The following CABP1 variants were observed in gnomAD, a reference collection of about 807,000 sequenced individuals.
CABP1 encodes calcium-binding protein 1.
Under a neutral mutation model 34.3 loss-of-function variants are expected in CABP1, and 17 were observed. The observed-to-expected ratio is 0.50, with a 90% confidence interval of 0.34 to 0.74. CABP1 has a LOEUF of 0.74. Ranked by LOEUF, CABP1 falls within the 30% of genes least tolerant of loss-of-function variation. CABP1 has a pLI of 0.01. For missense variants in CABP1, 373 were observed against 511.1 expected (o/e 0.73, Z 2.61); for synonymous variants, 198 against 229.2 (o/e 0.86, Z 1.23).
Position 120,661,867 on chromosome 12 carries a change from T to C in CABP1, c.1087+649T>C, listed in dbSNP as rs1006737626. 1 of 153,004 alleles carries C rather than the reference T, an allele frequency of 6.5e-6. No homozygotes were observed. Among genetic ancestry groups the C allele is most frequent in the Non-Finnish European group, 1.5e-5 (1 of 68,576 alleles). 9.5% of individuals were successfully genotyped at this position (153,004 alleles called of 1,614,324 possible). On this transcript the variant is annotated intron_variant, in intron 5 of 5. Coordinates refer to ENST00000316803, the MANE Select transcript of CABP1 (RefSeq NM_001033677.2). The surrounding 1 kb of genome is among the most constrained non-coding windows in gnomAD (Gnocchi z 5.1). ...ATTCCTATAGCAATTTATCCATGCATTTATCTGTCCATTCGTGCATCTATT... is the reference window on the plus strand; with the variant it reads ...ATTCCTATAGCAATTTATCCATGCACTTATCTGTCCATTCGTGCATCTATT...
chr12:120,657,951 TACTC>T (rs776309701), intron 1 of CABP1, among the ~76,000 whole-genome samples: 142 of 152,312 alleles, frequency 9.3e-4, no homozygotes, highest in Middle Eastern at 6.8e-3. Context: ...CACGTGTGCT[TACTC>T]ACTCGCTTTC....
rs1880593953 is a variant in CABP1, at chr12:120,661,045, C to T, written c.940-26C>T. 1 of 1,605,912 alleles carries T rather than the reference C, an allele frequency of 6.2e-7. No individual in the cohort carries two copies. Among genetic ancestry groups the T allele is most frequent in the East Asian group, 2.2e-5 (1 of 44,796 alleles). The stretch of plus-strand genomic sequence containing the variant: ...CTGCCAATCGCCATGCTGGGGCGAC[C>T]TCTCCTTCCTTCCTGCCTTCTCTAG... On this transcript the variant is annotated intron_variant, in intron 4 of 5. Coordinates refer to ENST00000316803, the MANE Select transcript of CABP1 (RefSeq NM_001033677.2). This position sits in a 1 kb window ranked among gnomAD's most constrained non-coding sequence, Gnocchi z 5.1.
Position 120,650,609 on chromosome 12 carries a change from G to A in CABP1, c.655-9269G>A, listed in dbSNP as rs372807121. On this transcript the variant is annotated intron_variant, in intron 1 of 5. Transcript: ENST00000316803. ...CAGGAGCCTCCTTCATGGACCCGGG[G>A]ATCCCAAGAGGGGCTGCCTCAACTT... The A allele has an allele frequency of 1.9e-5, 30 of 1,613,650 alleles. No individual in the cohort carries two copies. The African/African-American group carries it at 2.9e-4, about 16-fold the overall frequency.
downstream of CABP1, among the ~76,000 whole-genome samples, chr12:120,668,182 T>C (rs1246382059): frequency 6.7e-6 from 1 of 148,202 alleles, no homozygotes; most frequent in Non-Finnish European, 1.5e-5. Context: ...TCCCAGTGTG[T>C]GCGGACAGAC....
intron 1 of CABP1, among the ~76,000 whole-genome samples, chr12:120,643,600 A>AT (rs1879434335): frequency 6.6e-6 from 1 of 152,210 alleles, no homozygotes; most frequent in Admixed American, 6.5e-5. Context: ...TTTTTTAAAA[A>AT]ATATATTTTA....
At chr12:120,674,441 G>A in the CABP1 span, among the ~76,000 whole-genome samples, 1 of 152,250 alleles carries the variant, frequency 6.6e-6, no homozygotes, top group East Asian at 1.9e-4. Flanking sequence ...TGATCCTGCT[G>A]TGCCTGTAGC....
the CABP1 span, among the ~76,000 whole-genome samples, chr12:120,678,768 C>T: frequency 8.5e-5 from 13 of 152,224 alleles, 1 homozygote; most frequent in South Asian, 1.2e-3. Context: ...TCCCACAATG[C>T]TAATTTTAAA....
intron 1 of CABP1, among the ~76,000 whole-genome samples, chr12:120,648,209 C>G (rs750864006): frequency 2.6e-5 from 4 of 152,154 alleles, no homozygotes; most frequent in Non-Finnish European, 4.4e-5. Flanking sequence ...CTTTCCTGAT[C>G]CCCTAGACTC....
rs867128120 is a variant in CABP1 at position 120,640,838 on chromosome 12, G to A, written c.153G>A (p.Ala51=). 124 of 1,073,994 alleles carry A rather than the reference G, an allele frequency of 1.2e-4. No homozygotes were observed. The African/African-American group carries it at 1.4e-3, about 12-fold the overall frequency. The allele number at this position is 1,073,994 out of a possible 1,614,324, so 66.5% of individuals were successfully genotyped here. A position where few individuals can be genotyped will look rare whatever the true frequency, so the allele number is the denominator to read the frequency against. Residue 51 remains alanine (A), a synonymous_variant, in exon 1 of 6, where the codon GCG becomes GCA. Transcript: ENST00000316803. The surrounding 1 kb of genome is among the most constrained non-coding windows in gnomAD (Gnocchi z 6.2). ...CCGCGCCGCCCCCGCCGGGCCATGC[G>A]AGCGCGGGCCCCGCCGCGATGAGCT... is the stretch of plus-strand genomic sequence containing the variant. ...RRTAPPPPGH[A]SAGPAAMSSH... is the part of the protein sequence containing the mutation.
chr12:120,680,529 T>C, the CABP1 span, among the ~76,000 whole-genome samples: 1 of 152,126 alleles, frequency 6.6e-6, no homozygotes, highest in Non-Finnish European at 1.5e-5. Flanking sequence ...GTTTCTGGGC[T>C]CTCAGATGGG....
At chr12:120,656,329 GT>G in intron 1 of CABP1, 1 of 1,451,640 alleles carries the variant, frequency 6.9e-7, no homozygotes, top group Non-Finnish European at 9.1e-7. Context: ...GCGTGAGGAG[GT>G]GCTGGGATGA....
At chr12:120,676,520 C>T in the CABP1 span, among the ~76,000 whole-genome samples, 360 of 152,172 alleles carry the variant, frequency 2.4e-3, 5 homozygotes, top group African/African-American at 8.1e-3. Flanking sequence ...CTCCGCCTCC[C>T]GGGTTGAAGC....
At chr12:120,651,022 G>A (rs1879813069) in intron 1 of CABP1, among the ~76,000 whole-genome samples, 1 of 152,078 alleles carries the variant, frequency 6.6e-6, no homozygotes, top group Admixed American at 6.6e-5. Context: ...CAAGGGACTG[G>A]CCAAGTCCCT....
Position 120,641,143 on chromosome 12 carries a change from C to A in CABP1, c.458C>A (p.Ala153Glu). The change falls in exon 1 of 6, where the codon GCG becomes GAG. Residue 153 changes from alanine (A) to glutamate (E), a missense_variant. Ala to Glu is a moderately radical substitution (Grantham distance 107, BLOSUM62 -1). Transcript: ENST00000316803. The surrounding 1 kb of genome is among the most constrained non-coding windows in gnomAD (Gnocchi z 6.7). ...CCCCGGGAGGCGCTGCCGGCCGCGG[C>A]GTCCCGACCTTCGCCGTCGTCGCCG... The part of the protein sequence containing the change: ...CRPREALPAA[A>E]SRPSPSSPLP... 8.1e-7 allele frequency: 1 copy of A among 1,233,166 alleles called. No individual in the cohort carries two copies. Among genetic ancestry groups the A allele is most frequent in the Non-Finnish European group, 1.0e-6 (1 of 990,304 alleles). 76.4% of individuals were successfully genotyped at this position (1,233,166 alleles called of 1,614,324 possible). A position where few individuals can be genotyped will look rare whatever the true frequency, so the allele number is the denominator to read the frequency against.
At chr12:120,679,074 A>AG in the CABP1 span, among the ~76,000 whole-genome samples, 4 of 31,238 alleles carry the variant, frequency 1.3e-4, no homozygotes, top group African/African-American at 7.6e-4. Context: ...CACCATCTCC[A>AG]AAAAAAAAAA....
At chr12:120,651,727 C>CG (rs1879858875) in intron 1 of CABP1, among the ~76,000 whole-genome samples, 1 of 152,178 alleles carries the variant, frequency 6.6e-6, no homozygotes, top group Non-Finnish European at 1.5e-5. Context: ...TTCTGCCTGT[C>CG]GTCTTCCTCA....
Position 120,640,684 on chromosome 12 carries a change from A to G in CABP1, c.-2A>G. The stretch of plus-strand genomic sequence containing the variant: ...CTCCGGGCGTAGAGGCTGCGCTGTC[A>G]CATGGGCGGCGGCGACGGGGCCGCA... On this transcript the variant is annotated 5_prime_UTR_variant, in exon 1 of 6. Coordinates refer to ENST00000316803, the MANE Select transcript of CABP1 (RefSeq NM_001033677.2). This position sits in a 1 kb window ranked among gnomAD's most constrained non-coding sequence, Gnocchi z 6.2. The G allele has an allele frequency of 8.7e-7, 1 of 1,155,524 alleles. No homozygotes were observed. The highest frequency in any genetic ancestry group is 1.1e-6 in the Non-Finnish European group (1 of 939,826). The allele number at this position is 1,155,524 out of a possible 1,614,324, so 71.6% of individuals were successfully genotyped here. A position where few individuals can be genotyped will look rare whatever the true frequency, so the allele number is the denominator to read the frequency against.
At chr12:120,655,927 T>C in intron 1 of CABP1, 1 of 1,537,530 alleles carries the variant, frequency 6.5e-7, no homozygotes, top group Admixed American at 2.0e-5. Context: ...GGAGACTCTG[T>C]CTGTTGGACC....
At chr12:120,659,206 T>G (rs1455775307) in intron 1 of CABP1, 1 of 152,268 alleles carries the variant, frequency 6.6e-6, no homozygotes, top group African/African-American at 2.4e-5. Flanking sequence ...CGTACAGGGA[T>G]GGGGGTCAAA....
Sources: allele counts gnomAD v4.1 joint callset (sites outside exome capture counted in the v4.1 genomes callset), GRCh38; gene constraint gnomAD v4.1.1; non-coding constraint Gnocchi (gnomAD v3.1); transcripts MANE v1.5; gene names NCBI Gene and HGNC (gene_info 2026-07-23, HGNC 2026-07-21).